The following TMEM170A variants were observed in gnomAD, a reference collection of about 807,000 sequenced individuals.
The protein encoded by TMEM170A is transmembrane protein 170A, also known as transmembrane protein 170.
Under a neutral mutation model 12.8 loss-of-function variants are expected in TMEM170A, and 18 were observed. The ratio of observed to expected loss-of-function variants is 1.41; its 90% CI spans 0.97 to 2.09. The LOEUF is 2.09. Among genes scored for constraint, TMEM170A ranks in the 30% most tolerant of loss-of-function variants. TMEM170A has a pLI of 0.00. For missense variants in TMEM170A, 220 were observed against 179.9 expected, an observed-to-expected ratio of 1.22 and a Z score of -1.28; for synonymous variants, 107 against 76.2, an observed-to-expected ratio of 1.40 and a Z score of -2.11.
In TMEM170A at chr16:75,447,616, G is replaced by C; in HGVS notation, c.377C>G (p.Thr126Ser). 1.9e-6 allele frequency: 3 copies of C among 1,613,030 alleles called. No individual in the cohort carries two copies. In the East Asian group the frequency reaches 6.7e-5, roughly 36 times the overall value. The change falls in exon 3 of 3, where the codon ACT becomes AGT. Residue 126 changes from threonine (T) to serine (S), a missense_variant. Coordinates refer to ENST00000561878, the MANE Select transcript of TMEM170A (RefSeq NM_145254.3). Reference protein sequence around the residue: ...MIPFEALTLGTGQTFCVLVVS... With the variant: ...MIPFEALTLGSGQTFCVLVVS... ...CACCAAGACGCAAAATGTCTGTCCA[G>C]TGCCCAGTGTGAGGGCTTCAAATGG...
At chr16:75,453,360 G>A (rs1036315239) in intron 1 of TMEM170A, among the ~76,000 whole-genome samples, 2 of 152,168 alleles carry the variant, frequency 1.3e-5, no homozygotes, top group Non-Finnish European at 2.9e-5. Flanking sequence ...CTTGAGCCTG[G>A]GAGGCAGAGG....
rs1484750566 is a variant in TMEM170A at position 75,444,534 on chromosome 16, A to C, written c.*3024T>G. 1 of 152,196 alleles carries C rather than the reference A, an allele frequency of 6.6e-6. No individual in the cohort carries two copies. Among genetic ancestry groups the C allele is most frequent in the Non-Finnish European group, 1.5e-5 (1 of 68,036 alleles). The allele number at this position is 152,196 out of a possible 1,614,324, so 9.4% of individuals were successfully genotyped here. ...AATCAGTTTTTGGCAAAAATTCTCAAAACTATATAAGGTAAAATGTTCAAC... is the reference window on the plus strand; with the variant it reads ...AATCAGTTTTTGGCAAAAATTCTCACAACTATATAAGGTAAAATGTTCAAC... On this transcript the variant is annotated 3_prime_UTR_variant, in exon 3 of 3. Transcript: ENST00000561878.
At chr16:75,448,662 G>A (rs539983875) in intron 2 of TMEM170A, among the ~76,000 whole-genome samples, 27 of 152,140 alleles carry the variant, frequency 1.8e-4, no homozygotes, top group African/African-American at 6.5e-4. Context: ...TACTCGGGAG[G>A]CTGAGGCAGG....
intron 1 of TMEM170A, among the ~76,000 whole-genome samples, chr16:75,452,266 A>G (rs2079703110): frequency 1.3e-5 from 2 of 149,964 alleles, no homozygotes; most frequent in Admixed American, 6.6e-5. Flanking sequence ...CACCGCGCCC[A>G]GTCAAAAATT....
In TMEM170A at chr16:75,443,087, G is replaced by C. The variant is rs1371313328; in HGVS notation, c.*4471C>G. 1 of 151,914 alleles carries C rather than the reference G, an allele frequency of 6.6e-6. No homozygotes were observed. Among genetic ancestry groups the C allele is most frequent in the Non-Finnish European group, 1.5e-5 (1 of 68,006 alleles). 9.4% of individuals were successfully genotyped at this position (151,914 alleles called of 1,614,324 possible). A position where few individuals can be genotyped will look rare whatever the true frequency, so the allele number is the denominator to read the frequency against. On this transcript the variant is annotated 3_prime_UTR_variant, in exon 3 of 3. Transcript: ENST00000561878. Reference sequence around the variant, plus strand: ...TTAAGTACGGTTTAATCACAACTTTGAACAAGAATTTTATCATAAATTAGT... The same window carrying C: ...TTAAGTACGGTTTAATCACAACTTTCAACAAGAATTTTATCATAAATTAGT...
At chr16:75,464,304 T>C (rs1218449941) in intron 1 of TMEM170A, 164 bp downstream of exon 1, 2 of 1,476,328 alleles carry the variant, frequency 1.4e-6, no homozygotes, top group East Asian at 5.9e-5. Context: ...GAAGAAGTGA[T>C]GGGGAAAGGG....
chr16:75,447,837 ATTCT>A (rs1567696589), intron 2 of TMEM170A, 149 bp from the exon 3 acceptor site: 1 of 1,007,544 alleles, frequency 9.9e-7, no homozygotes, highest in Non-Finnish European at 1.4e-6. Flanking sequence ...GGTTTTCCCT[ATTCT>A]TTCTGTGGAC....
chr16:75,449,369 C>G (rs891577776), intron 2 of TMEM170A, among the ~76,000 whole-genome samples: 6 of 150,478 alleles, frequency 4.0e-5, no homozygotes, highest in Non-Finnish European at 8.8e-5. Flanking sequence ...ACTCTTTCAC[C>G]TAGGCTGGAA....
Position 75,443,558 on chromosome 16 carries a change from A to C in TMEM170A, c.*4000T>G, listed in dbSNP as rs896450519. On this transcript the variant is annotated 3_prime_UTR_variant, in exon 3 of 3. Transcript: ENST00000561878. ...ATAATAGGAACTTAATTCAAACCAG[A>C]GCAACCAGAAAGGATACTGGAGGCA... is the stretch of plus-strand genomic sequence containing the variant. The C allele has an allele frequency of 2.0e-5, 3 of 152,220 alleles. No homozygotes were observed. The highest frequency in any genetic ancestry group is 4.4e-5 in the Non-Finnish European group (3 of 68,044). The allele number at this position is 152,220 out of a possible 1,614,324, so 9.4% of individuals were successfully genotyped here. A position where few individuals can be genotyped will look rare whatever the true frequency, so the allele number is the denominator to read the frequency against.
In TMEM170A at chr16:75,464,352, AGC is replaced by A. The variant is rs2079959585; in HGVS notation, c.133+114_133+115del. 7 of 1,148,916 alleles carry A rather than the reference AGC, an allele frequency of 6.1e-6. No individual in the cohort carries two copies. In the Admixed American group the frequency reaches 2.5e-4, roughly 41 times the overall value. The allele number at this position is 1,148,916 out of a possible 1,614,324, so 71.2% of individuals were successfully genotyped here. On this transcript the variant is annotated intron_variant, in intron 1 of 2. Coordinates refer to ENST00000561878, the MANE Select transcript of TMEM170A (RefSeq NM_145254.3). ...CAGCACGGCCCCCCTCCCGGAGGAC[AGC>A]GCCCACGCCGCCAGCAGGCTGCGCA...
chr16:75,464,466 A>G lies in TMEM170A; in HGVS notation c.133+2T>C, dbSNP rs1461021479. Reference sequence around the variant, plus strand: ...AGTGCGCAGGCGCGGGGCGGGCCGTACCTGGGAAGGAGCAGAGGGAAGTAG... The same window carrying G: ...AGTGCGCAGGCGCGGGGCGGGCCGTGCCTGGGAAGGAGCAGAGGGAAGTAG... On this transcript the variant is annotated splice_donor_variant, in intron 1 of 2. Transcript: ENST00000561878. LOFTEE classifies it high-confidence loss of function. 5.3e-6 allele frequency: 8 copies of G among 1,505,652 alleles called. No individual in the cohort carries two copies. Among genetic ancestry groups the G allele is most frequent in the Non-Finnish European group, 7.1e-6 (8 of 1,131,298 alleles). 93.3% of individuals were successfully genotyped at this position (1,505,652 alleles called of 1,614,324 possible). A position where few individuals can be genotyped will look rare whatever the true frequency, so the allele number is the denominator to read the frequency against.
intron 1 of TMEM170A, among the ~76,000 whole-genome samples, chr16:75,463,065 G>C (rs37595): frequency 0.41 from 61,994 of 151,770 alleles, 13,345 homozygotes; most frequent in African/African-American, 0.54. Context: ...GAGAGAAAGA[G>C]AGCAGAGAGA....
At chr16:75,451,225 A>C (rs966529235) in intron 2 of TMEM170A, among the ~76,000 whole-genome samples, 7 of 116,832 alleles carry the variant, frequency 6.0e-5, no homozygotes, top group Non-Finnish European at 1.2e-4. Context: ...AAGTAATAGG[A>C]CCTTGGGGGT....
intron 1 of TMEM170A, among the ~76,000 whole-genome samples, chr16:75,457,914 G>C (rs1018560819): frequency 6.6e-6 from 1 of 152,206 alleles, no homozygotes; most frequent in Non-Finnish European, 1.5e-5. Flanking sequence ...TTATAGATGA[G>C]TAGAGGAGTA....
In TMEM170A at chr16:75,464,609, C is replaced by T. The variant is rs369347362; in HGVS notation, c.-9G>A. ...CTCCCCTCGCGCTCCATCCCGTCGC[C>T]ATTCACCACAGAGAAATGAGGGACG... On this transcript the variant is annotated 5_prime_UTR_variant, in exon 1 of 3. The change abolishes an upstream ATG in the 5' untranslated region. Coordinates refer to ENST00000561878, the MANE Select transcript of TMEM170A (RefSeq NM_145254.3). 5.1e-6 allele frequency: 8 copies of T among 1,581,582 alleles called. No homozygotes were observed. The highest frequency in any genetic ancestry group is 6.9e-6 in the Non-Finnish European group (8 of 1,167,084).
intron 1 of TMEM170A, among the ~76,000 whole-genome samples, chr16:75,459,295 G>C (rs139758785): frequency 6.6e-6 from 1 of 152,168 alleles, no homozygotes; most frequent in Non-Finnish European, 1.5e-5. Context: ...TAACAAAAGC[G>C]GTCTATAATG....
intron 2 of TMEM170A, among the ~76,000 whole-genome samples, chr16:75,450,236 G>C (rs991257153): frequency 6.7e-6 from 1 of 149,086 alleles, no homozygotes; most frequent in Non-Finnish European, 1.5e-5. Context: ...ATTTCTGCTT[G>C]ATGCTAAGGT....
In TMEM170A at chr16:75,451,579, C is replaced by T. The variant is rs1567698525; in HGVS notation, c.304+90G>A. 2.1e-6 allele frequency: 3 copies of T among 1,404,996 alleles called. No homozygotes were observed. In the Admixed American group the frequency reaches 5.2e-5, roughly 25 times the overall value. 87.0% of individuals were successfully genotyped at this position (1,404,996 alleles called of 1,614,324 possible). ...TGCAGTTAAAAGGCACTCTTTCCTT[C>T]ATCCTACTCAGATATGTTTTCTAGA... is the stretch of plus-strand genomic sequence containing the variant. On this transcript the variant is annotated intron_variant, in intron 2 of 2. Transcript: ENST00000561878.
intron 2 of TMEM170A, among the ~76,000 whole-genome samples, chr16:75,449,209 C>T (rs2079637044): frequency 6.6e-6 from 1 of 152,160 alleles, no homozygotes; most frequent in Non-Finnish European, 1.5e-5. Context: ...CTGCAGAACA[C>T]TTCTGTGTTT....
Sources: gnomAD v4.1 joint callset for allele counts (sites outside exome capture counted in the v4.1 genomes callset) on GRCh38, gnomAD v4.1.1 for gene constraint, MANE v1.5 for transcripts, NCBI Gene and HGNC (gene_info 2026-07-23, HGNC 2026-07-21) for gene names.